The following EBF3 variants were observed in gnomAD, a reference collection of about 807,000 sequenced individuals.
The protein encoded by EBF3 is transcription factor COE3.
Under a neutral mutation model 77.1 loss-of-function variants are expected in EBF3, and 18 were observed. The ratio of observed to expected loss-of-function variants is 0.23; its 90% CI spans 0.16 to 0.35. The LOEUF is 0.35. EBF3 is among the 10% of genes least tolerant of loss of function. EBF3 has a pLI of 1.00. For missense variants in EBF3, 558 were observed against 860.0 expected (o/e 0.65, Z 4.39); for synonymous variants, 350 against 343.5 (o/e 1.02, Z -0.21).
chr10:129,953,994 C>CATCT (rs1333744025), intron 6 of EBF3, among the ~76,000 whole-genome samples: 2 of 152,290 alleles, frequency 1.3e-5, no homozygotes, highest in East Asian at 1.9e-4. Context: ...TAATGAAGAC[C>CATCT]ATCTGCTTTT....
chr10:129,905,093 CA>C (rs1855048783), intron 6 of EBF3, among the ~76,000 whole-genome samples: 1 of 152,228 alleles, frequency 6.6e-6, no homozygotes, highest in Non-Finnish European at 1.5e-5. Context: ...CTCTGGACCC[CA>C]GGGCTCCACC....
intron 10 of EBF3, among the ~76,000 whole-genome samples, chr10:129,857,578 A>C (rs1015448858): frequency 3.3e-5 from 5 of 152,146 alleles, no homozygotes; most frequent in Non-Finnish European, 5.9e-5. Context: ...TGCCTTCTCC[A>C]TTTTGACTAT....
chr10:129,961,058 T>A (rs1461808390), intron 4 of EBF3, among the ~76,000 whole-genome samples: 1 of 152,196 alleles, frequency 6.6e-6, no homozygotes, highest in Non-Finnish European at 1.5e-5. Flanking sequence ...CCTTGCTACC[T>A]AGGTAAGGAC....
chr10:129,861,037 G>C lies in EBF3; in HGVS notation c.1039+6104C>G, dbSNP rs954865809. 3.3e-5 allele frequency among the ~76,000 whole-genome samples: 5 copies of C among 152,208 alleles called. No individual in the cohort carries two copies. The highest frequency in any genetic ancestry group is 9.6e-5 in the African/African-American group (4 of 41,464). ...GCCTCCTTGGAGACAGGAAAGAGAG[G>C]GGACAGCAGTGACCCTGGAAGCCCT... On this transcript the variant is annotated intron_variant, in intron 10 of 16. Transcript: ENST00000440978. This position sits in a 1 kb window ranked among gnomAD's most constrained non-coding sequence, Gnocchi z 4.3.
chr10:129,921,513 C>T (rs905201730), intron 6 of EBF3, among the ~76,000 whole-genome samples: 2 of 152,208 alleles, frequency 1.3e-5, no homozygotes, highest in Admixed American at 6.5e-5. Flanking sequence ...GGAGGTTTGG[C>T]CCCAGGCCCA....
intron 7 of EBF3, among the ~76,000 whole-genome samples, chr10:129,874,535 T>A (rs1000606103): frequency 6.6e-6 from 1 of 152,180 alleles, no homozygotes; most frequent in Admixed American, 6.5e-5. Flanking sequence ...GGTGGTGCAT[T>A]CATCCCGGAC....
chr10:129,961,002 G>A (rs533691921), intron 4 of EBF3, among the ~76,000 whole-genome samples: 41 of 152,294 alleles, frequency 2.7e-4, no homozygotes, highest in African/African-American at 8.9e-4. Flanking sequence ...TTTACTCTAA[G>A]AGAAAAGCAC....
chr10:129,849,903 A>G (rs766609283), intron 10 of EBF3, among the ~76,000 whole-genome samples: 7 of 152,350 alleles, frequency 4.6e-5, no homozygotes, highest in Non-Finnish European at 7.3e-5. Flanking sequence ...TGTAAATTCT[A>G]TATGTGTAAA....
chr10:129,849,656 G>T (rs1417272822), intron 10 of EBF3, among the ~76,000 whole-genome samples: 1 of 152,164 alleles, frequency 6.6e-6, no homozygotes, highest in African/African-American at 2.4e-5. Flanking sequence ...TCAATAATGC[G>T]CCCGAAAGTT....
chr10:129,841,030 C>A lies in EBF3; in HGVS notation c.1375G>T (p.Gly459Cys), dbSNP rs201846192. 22 of 1,577,500 alleles carry A rather than the reference C, an allele frequency of 1.4e-5. No individual in the cohort carries two copies. In the Admixed American group the frequency reaches 2.1e-4, roughly 15 times the overall value. Reference protein sequence around the residue: ...SETSQANDQVGYSRNTSSVSP... With the variant: ...SETSQANDQVCYSRNTSSVSP... ...ACGCTGCTTGTATTGCGACTGTAGC[C>A]GACTGTTGAAATCCCCCCCCCGGCC... The change falls in exon 14 of 17, where the codon GGC becomes TGC. Residue 459 changes from glycine to cysteine, a missense_variant and splice_region_variant. Gly to Cys is a radical substitution (Grantham distance 159). Coordinates refer to ENST00000440978, the MANE Select transcript of EBF3 (RefSeq NM_001375380.1). This position sits in a 1 kb window ranked among gnomAD's most constrained non-coding sequence, Gnocchi z 4.6.
At chr10:129,889,111 G>A (rs1444160513) in intron 6 of EBF3, among the ~76,000 whole-genome samples, 1 of 152,240 alleles carries the variant, frequency 6.6e-6, no homozygotes, top group Non-Finnish European at 1.5e-5. Context: ...ATCTGCAGAA[G>A]GCCCTGGTCT....
rs1397001149 is a variant in EBF3 at position 129,943,299 on chromosome 10, T to C, written c.554+13959A>G. On this transcript the variant is annotated intron_variant, in intron 6 of 16. Transcript: ENST00000440978. This position sits in a 1 kb window ranked among gnomAD's most constrained non-coding sequence, Gnocchi z 8.8. ...AGACAGCCTTGTAGAACTGATTCCTTAATCAACAGTTAAAGAAGCAAATTG... is the reference window on the plus strand; with the variant it reads ...AGACAGCCTTGTAGAACTGATTCCTCAATCAACAGTTAAAGAAGCAAATTG... Among the ~76,000 whole-genome samples the C allele has an allele frequency of 1.3e-5, 2 of 152,226 alleles. No individual in the cohort carries two copies. The highest frequency in any genetic ancestry group is 2.9e-5 in the Non-Finnish European group (2 of 68,034).
At chr10:129,862,019 G>A (rs1851674051) in intron 10 of EBF3, among the ~76,000 whole-genome samples, 1 of 152,144 alleles carries the variant, frequency 6.6e-6, no homozygotes, top group African/African-American at 2.4e-5. Flanking sequence ...GCTTTCACAA[G>A]GGGAGTGAAG....
intron 6 of EBF3, among the ~76,000 whole-genome samples, chr10:129,902,198 G>A (rs1400957059): frequency 6.6e-6 from 1 of 150,552 alleles, no homozygotes; most frequent in Non-Finnish European, 1.5e-5. Context: ...TCCACAACTA[G>A]TTAGCTGGGG....
chr10:129,957,384 T>C, intron 5 of EBF3, 58 bp from the exon 6 acceptor site: 1 of 1,400,598 alleles, frequency 7.1e-7, no homozygotes, highest in Non-Finnish European at 9.6e-7. Flanking sequence ...TATGCCCGAC[T>C]TGTATTTTTT....
intron 10 of EBF3, among the ~76,000 whole-genome samples, chr10:129,851,344 TC>T (rs1056134830): frequency 5.3e-5 from 8 of 152,018 alleles, no homozygotes; most frequent in Non-Finnish European, 1.0e-4. Context: ...TTGTGGGTCC[TC>T]CCCCCACCCT....
At chr10:129,927,829 G>A (rs12569661) in intron 6 of EBF3, among the ~76,000 whole-genome samples, 108 of 152,224 alleles carry the variant, frequency 7.1e-4, no homozygotes, top group African/African-American at 2.3e-3. Flanking sequence ...GCCATCCCAC[G>A]TCTGTGCACG....
At chr10:129,937,258 C>A (rs1022275807) in intron 6 of EBF3, among the ~76,000 whole-genome samples, 3 of 151,880 alleles carry the variant, frequency 2.0e-5, no homozygotes, top group African/African-American at 7.3e-5. Flanking sequence ...CGCACAGAGA[C>A]CCCTAGTTTG....
chr10:129,937,003 G>A (rs547415485), intron 6 of EBF3, among the ~76,000 whole-genome samples: 13 of 152,284 alleles, frequency 8.5e-5, no homozygotes, highest in East Asian at 3.9e-4. Context: ...CACCCCTCCC[G>A]CGACAGTGCA....
Sources: gnomAD v4.1 joint callset for allele counts (sites outside exome capture counted in the v4.1 genomes callset) on GRCh38, gnomAD v4.1.1 for gene constraint, Gnocchi (gnomAD v3.1) non-coding constraint, MANE v1.5 for transcripts, NCBI Gene and HGNC (gene_info 2026-07-23, HGNC 2026-07-21) for gene names.